Variants in NCAM2 observed in about 807,000 individuals in gnomAD.
NCAM2 encodes the protein N-CAM-2.
A neutral mutation model predicts 98.1 loss-of-function variants in NCAM2; 30 were observed. The ratio of observed to expected loss-of-function variants is 0.31; its 90% confidence interval spans 0.23 to 0.41. NCAM2 has a LOEUF of 0.41. Ranked by LOEUF, NCAM2 falls within the 10% of genes least tolerant of loss-of-function variation. The pLI, the probability that NCAM2 is intolerant of heterozygous loss-of-function variation, is 1.00. For synonymous variants in NCAM2, 368 were observed against 342.4 expected (o/e 1.07, Z -0.83); for missense variants, 867 against 1,005.8 (o/e 0.86, Z 1.87).
chr21:21,190,102 T>C (rs1303484836), intron 1 of NCAM2, among the ~76,000 whole-genome samples: 1 of 152,188 alleles, frequency 6.6e-6, no homozygotes, highest in African/African-American at 2.4e-5. Context: ...GCAGAAGAGA[T>C]GCATTCACTG....
chr21:21,439,122 C>CT (rs34655565), intron 12 of NCAM2, among the ~76,000 whole-genome samples: 27,300 of 145,530 alleles, frequency 0.19, 2,677 homozygotes, highest in Admixed American at 0.25. Flanking sequence ...TAAGTACTTC[C>CT]TTTTTTTTTT....
intron 1 of NCAM2, among the ~76,000 whole-genome samples, chr21:21,127,018 G>A (rs892131483): frequency 2.6e-5 from 4 of 151,778 alleles, no homozygotes; most frequent in Non-Finnish European, 5.9e-5. Context: ...AATAACTGAT[G>A]CATATACATT....
At chr21:21,049,012 A>ATTT (rs2065052247) in intron 1 of NCAM2, among the ~76,000 whole-genome samples, 1 of 42,144 alleles carries the variant, frequency 2.4e-5, no homozygotes, top group African/African-American at 5.9e-5. Context: ...ATTTACTATT[A>ATTT]ATTTTTTTTT....
In NCAM2 at chr21:21,108,255, G is replaced by A. The variant is rs537563346; in HGVS notation, c.55+109637G>A. On this transcript the variant is annotated intron_variant, in intron 1 of 17. Coordinates refer to ENST00000400546, the MANE Select transcript of NCAM2 (RefSeq NM_004540.5). ...TTTTTTAATAAACACTTATTAAAAT[G>A]TACTGTGTGCCAGGCTTTAAGTCTC... is the stretch of plus-strand genomic sequence containing the variant. Among the ~76,000 whole-genome samples, 4 of 151,842 alleles carry A rather than the reference G, an allele frequency of 2.6e-5. No homozygotes were observed. The South Asian group carries it at 8.3e-4, about 32-fold the overall frequency.
chr21:21,240,856 C>A (rs1329030497), intron 1 of NCAM2, among the ~76,000 whole-genome samples: 2 of 152,028 alleles, frequency 1.3e-5, no homozygotes, highest in Non-Finnish European at 2.9e-5. Flanking sequence ...TTATATATAT[C>A]TCACAGGATT....
chr21:21,397,964 C>G (rs2076550197), intron 9 of NCAM2, among the ~76,000 whole-genome samples: 1 of 152,258 alleles, frequency 6.6e-6, no homozygotes, highest in African/African-American at 2.4e-5. Flanking sequence ...TAAACACTTG[C>G]ACATGCATGT....
intron 6 of NCAM2, among the ~76,000 whole-genome samples, chr21:21,328,926 A>G (rs372096636): frequency 6.6e-6 from 1 of 151,436 alleles, no homozygotes; most frequent in South Asian, 2.1e-4. Flanking sequence ...TACAACATAT[A>G]TATATGCCCT....
At chr21:21,459,010 A>G (rs1756879070) in intron 12 of NCAM2, among the ~76,000 whole-genome samples, 1 of 152,146 alleles carries the variant, frequency 6.6e-6, no homozygotes, top group Admixed American at 6.5e-5. Context: ...GCACAAAACC[A>G]AATAACCCAA....
At chr21:21,331,904 A>T (rs1172737832) in intron 6 of NCAM2, among the ~76,000 whole-genome samples, 2 of 146,228 alleles carry the variant, frequency 1.4e-5, no homozygotes. Flanking sequence ...GGGAATTTTT[A>T]TTTATTTATT....
chr21:21,276,549 A>C (rs2072735468), intron 1 of NCAM2, among the ~76,000 whole-genome samples: 2 of 152,162 alleles, frequency 1.3e-5, no homozygotes, highest in Admixed American at 1.3e-4. Context: ...TCCAAACATA[A>C]ATTTTTGACA....
chr21:21,276,944 G>C (rs1015230318), intron 1 of NCAM2, among the ~76,000 whole-genome samples: 3 of 151,894 alleles, frequency 2.0e-5, no homozygotes, highest in Non-Finnish European at 4.4e-5. Flanking sequence ...TTAATTTCAT[G>C]TTCAATTTTA....
intron 1 of NCAM2, among the ~76,000 whole-genome samples, chr21:21,202,295 A>G (rs1799523859): frequency 6.6e-6 from 1 of 152,110 alleles, no homozygotes; most frequent in South Asian, 2.1e-4. Context: ...AGGCCAAGAA[A>G]TGTAAAGCAC....
chr21:21,519,001 C>T (rs1012500171), intron 16 of NCAM2, among the ~76,000 whole-genome samples: 1 of 152,006 alleles, frequency 6.6e-6, no homozygotes, highest in African/African-American at 2.4e-5. Flanking sequence ...GCTGGTAATA[C>T]AACAATCAAG....
At chr21:21,092,771 A>G (rs2066039432) in intron 1 of NCAM2, among the ~76,000 whole-genome samples, 1 of 152,012 alleles carries the variant, frequency 6.6e-6, no homozygotes, top group African/African-American at 2.4e-5. Context: ...CGTGTTTCAA[A>G]GATGTTGAAA....
chr21:21,251,198 A>G (rs1031435685), intron 1 of NCAM2, among the ~76,000 whole-genome samples: 1 of 152,190 alleles, frequency 6.6e-6, no homozygotes, highest in Non-Finnish European at 1.5e-5. Flanking sequence ...ATACATGTGC[A>G]GAATGTGCAG....
chr21:21,387,173 T>TGC (rs941894917), intron 9 of NCAM2, among the ~76,000 whole-genome samples: 5 of 132,882 alleles, frequency 3.8e-5, no homozygotes, highest in Admixed American at 8.1e-5. Context: ...CTTTACTTGG[T>TGC]GCGCACACAC....
At chr21:21,327,213 C>G (rs2074539443) in intron 6 of NCAM2, among the ~76,000 whole-genome samples, 1 of 143,750 alleles carries the variant, frequency 7.0e-6, no homozygotes, top group Non-Finnish European at 1.5e-5. Context: ...GAGGCTGAAG[C>G]AGGAGAATAG....
chr21:21,098,693 T>C (rs907179187), intron 1 of NCAM2, among the ~76,000 whole-genome samples: 1 of 151,908 alleles, frequency 6.6e-6, no homozygotes, highest in African/African-American at 2.4e-5. Context: ...AAGATGTGCG[T>C]GGCAATGTGA....
chr21:21,486,975 T>C (rs1298154022), intron 15 of NCAM2, among the ~76,000 whole-genome samples: 2 of 152,140 alleles, frequency 1.3e-5, no homozygotes, highest in Non-Finnish European at 2.9e-5. Context: ...TATTCTTACA[T>C]GAACACCTAT....
Sources: allele counts gnomAD v4.1 joint callset (sites outside exome capture counted in the v4.1 genomes callset), GRCh38; gene constraint gnomAD v4.1.1; transcripts MANE v1.5; gene names NCBI Gene and HGNC (gene_info 2026-07-23, HGNC 2026-07-21).